P4HA1: variants seen among roughly 807,000 people sequenced by gnomAD.
P4HA1 encodes prolyl 4-hydroxylase subunit alpha-1.
P4HA1 carries 24 observed loss-of-function variants against 72.8 expected under a neutral mutation model. That is an observed-to-expected ratio of 0.33 (90% CI 0.24 to 0.46). The LOEUF (loss-of-function observed/expected upper bound fraction) is 0.46. P4HA1 is among the 20% of genes least tolerant of loss of function. P4HA1 has a pLI of 1.00. For missense variants in P4HA1, 446 were observed against 640.6 expected (o/e 0.70, Z 3.28); for synonymous variants, 201 against 218.8 (o/e 0.92, Z 0.72).
At chr10:73,013,518 A>G (rs1330579380) in intron 12 of P4HA1, among the ~76,000 whole-genome samples, 2 of 152,236 alleles carry the variant, frequency 1.3e-5, no homozygotes, top group African/African-American at 4.8e-5. Context: ...GATTTGGAGC[A>G]GGAACCATGA....
At chr10:73,071,916 C>A in intron 4 of P4HA1, 113 bp downstream of exon 4, 2 of 697,318 alleles carry the variant, frequency 2.9e-6, no homozygotes, top group East Asian at 2.6e-5. Flanking sequence ...CAGGCATAAT[C>A]CAGTTACAAC....
chr10:73,096,520 G>A (rs1232557968), intron 1 of P4HA1, among the ~76,000 whole-genome samples: 2 of 152,206 alleles, frequency 1.3e-5, no homozygotes, highest in African/African-American at 4.8e-5. Context: ...AGCCCCAGCG[G>A]TCCGAGGCGC....
rs1238390010 is a variant in P4HA1, at chr10:73,045,032, G to A, written c.1097C>T (p.Ser366Leu). 1 of 1,613,496 alleles carries A rather than the reference G, an allele frequency of 6.2e-7. No individual in the cohort carries two copies. The highest frequency in any genetic ancestry group is 8.5e-7 in the Non-Finnish European group (1 of 1,179,678). ...CTCCAAGTCTCCTGTTATTGGGTTTGAAATGGTGGCTCGCCTCAGCTGTGA... is the reference window on the plus strand; with the variant it reads ...CTCCAAGTCTCCTGTTATTGGGTTTAAAATGGTGGCTCGCCTCAGCTGTGA... ...AKPRLRRATI[S>L]NPITGDLETV... Residue 366 changes from serine (S) to leucine (L), a missense_variant, in exon 9 of 15, where the codon TCA (serine) becomes TTA (leucine). Ser to Leu is a moderately radical substitution (Grantham distance 145). Coordinates refer to ENST00000394890, the MANE Select transcript of P4HA1 (RefSeq NM_001017962.3).
Position 73,053,539 on chromosome 10 carries a change from T to C in P4HA1, c.515A>G (p.Lys172Arg). 1 of 1,614,094 alleles carries C rather than the reference T, an allele frequency of 6.2e-7. No individual in the cohort carries two copies. The highest frequency in any genetic ancestry group is 8.5e-7 in the Non-Finnish European group (1 of 1,179,938). The change falls in exon 6 of 15, where the codon AAA becomes AGA. Residue 172 changes from lysine (K) to arginine (R), a missense_variant. Lys to Arg is a conservative substitution (Grantham distance 26, BLOSUM62 2). Coordinates refer to ENST00000394890, the MANE Select transcript of P4HA1 (RefSeq NM_001017962.3). ...ATAATCTGCTTCTGTATAGGCCACT[T>C]TGCCCAACTCAAAGCAGTCCTCAGC... ...LTAEDCFELG[K>R]VAYTEADYYH... is the part of the protein sequence containing the mutation.
chr10:73,095,984 C>A (rs1321432743), intron 1 of P4HA1, among the ~76,000 whole-genome samples: 1 of 152,156 alleles, frequency 6.6e-6, no homozygotes. Flanking sequence ...CTGATGTGGA[C>A]TTTTAAAAGC....
At chr10:73,073,874 G>A (rs757646965) in intron 2 of P4HA1, 47 bp from the exon 3 acceptor site, 1 of 865,214 alleles carries the variant, frequency 1.2e-6, no homozygotes, top group Non-Finnish European at 2.0e-6. Flanking sequence ...TTCAACACAA[G>A]TATGTTAAGA....
chr10:73,015,155 C>T (rs1421114665), intron 11 of P4HA1, among the ~76,000 whole-genome samples: 1 of 151,872 alleles, frequency 6.6e-6, no homozygotes, highest in African/African-American at 2.4e-5. Context: ...TCTAATAATG[C>T]TAGTAAAGTG....
chr10:73,069,805 T>A (rs1043971825), intron 4 of P4HA1, among the ~76,000 whole-genome samples: 1 of 148,334 alleles, frequency 6.7e-6, no homozygotes, highest in Non-Finnish European at 1.5e-5. Flanking sequence ...TATAATCAAC[T>A]GTTTTGTTTT....
chr10:73,059,263 C>T (rs12258500), intron 5 of P4HA1, among the ~76,000 whole-genome samples: 16,261 of 151,180 alleles, frequency 0.11, 1,258 homozygotes, highest in East Asian at 0.3. Flanking sequence ...CTAGTTTGGA[C>T]TGTCAAAGAA....
chr10:73,032,391 A>C (rs1840451515), intron 9 of P4HA1, among the ~76,000 whole-genome samples: 1 of 152,146 alleles, frequency 6.6e-6, no homozygotes, highest in African/African-American at 2.4e-5. Context: ...AAATCTAATG[A>C]CATTTTTCAA....
intron 1 of P4HA1, among the ~76,000 whole-genome samples, chr10:73,091,285 T>C (rs572366145): frequency 8.9e-4 from 135 of 152,136 alleles, no homozygotes; most frequent in Non-Finnish European, 1.6e-3. Flanking sequence ...ATTCAACCAG[T>C]AGGTTTTAGA....
intron 10 of P4HA1, among the ~76,000 whole-genome samples, chr10:73,022,937 T>G (rs1840171343): frequency 6.6e-6 from 1 of 151,866 alleles, no homozygotes; most frequent in African/African-American, 2.4e-5. Flanking sequence ...AGAAGACAAG[T>G]TTAGAGAAAA....
rs771181284 is a variant in P4HA1 at position 73,053,338 on chromosome 10, C to G, written c.703+13G>C. On this transcript the variant is annotated intron_variant, in intron 6 of 14. Coordinates refer to ENST00000394890, the MANE Select transcript of P4HA1 (RefSeq NM_001017962.3). ...ATATAACTATAACCTTAAATTAGGC[C>G]CAGATAACATACCTAGTTCAAGAAG... 30 of 1,612,520 alleles carry G rather than the reference C, an allele frequency of 1.9e-5. 2 individuals carry two copies. Among genetic ancestry groups the G allele is most frequent in the Middle Eastern group, 3.3e-4 (2 of 6,072 alleles).
chr10:73,065,749 C>T (rs1268703904), intron 5 of P4HA1, among the ~76,000 whole-genome samples: 3 of 152,052 alleles, frequency 2.0e-5, no homozygotes, highest in African/African-American at 4.8e-5. Context: ...AAGCCTTGCA[C>T]GTGAGTACAT....
At chr10:73,094,081 G>C (rs939479746) in intron 1 of P4HA1, among the ~76,000 whole-genome samples, 10 of 151,372 alleles carry the variant, frequency 6.6e-5, no homozygotes, top group Non-Finnish European at 1.2e-4. Flanking sequence ...TTACTTCCAA[G>C]CCTGTTCCAC....
rs750115106 is a variant in P4HA1, at chr10:73,053,523, T to C, written c.531A>G (p.Glu177=). 6.2e-7 allele frequency: 1 copy of C among 1,614,096 alleles called. No individual in the cohort carries two copies. The highest frequency in any genetic ancestry group is 1.7e-5 in the Admixed American group (1 of 60,020). The stretch of plus-strand genomic sequence containing the variant: ...ACAGTTCCGTATGGTAATAATCTGC[T>C]TCTGTATAGGCCACTTTGCCCAACT... ...CFELGKVAYT[E]ADYYHTELWM... is the part of the protein sequence containing the mutation. Residue 177 remains glutamate, a synonymous_variant, in exon 6 of 15, where the codon GAA becomes GAG. Coordinates refer to ENST00000394890, the MANE Select transcript of P4HA1 (RefSeq NM_001017962.3).
intron 8 of P4HA1, among the ~76,000 whole-genome samples, chr10:73,045,873 CAAA>C (rs537895197): frequency 2.7e-4 from 30 of 112,350 alleles, no homozygotes; most frequent in African/African-American, 8.3e-4. Flanking sequence ...AATCTTTGGC[CAAA>C]AAAAAAAAAA....
chr10:73,017,091 A>C (rs913543747), intron 10 of P4HA1, among the ~76,000 whole-genome samples, 192 bp from the exon 11 acceptor site: 2 of 151,942 alleles, frequency 1.3e-5, no homozygotes, highest in African/African-American at 2.4e-5. Context: ...CTATATATCT[A>C]TGTACAGATC....
intron 7 of P4HA1, among the ~76,000 whole-genome samples, chr10:73,047,541 G>A (rs1589601653): frequency 1.9e-5 from 2 of 107,562 alleles, no homozygotes; most frequent in Admixed American, 2.1e-4. Flanking sequence ...ACAGTTAAAT[G>A]CTTGTGGCAA....
Sources: allele counts gnomAD v4.1 joint callset (sites outside exome capture counted in the v4.1 genomes callset), GRCh38; gene constraint gnomAD v4.1.1; transcripts MANE v1.5; gene names NCBI Gene and HGNC (gene_info 2026-07-23, HGNC 2026-07-21).